Variants in PRKG1 observed in about 807,000 individuals in gnomAD.
The protein encoded by PRKG1 is cGMP-dependent protein kinase 1.
PRKG1 carries 35 observed loss-of-function variants against 88.1 expected under a neutral mutation model. That is an observed-to-expected ratio of 0.40 (90% CI 0.30 to 0.53). PRKG1 has a LOEUF of 0.53. PRKG1 is among the 20% of genes least tolerant of loss of function. PRKG1 has a pLI of 0.59. For synonymous variants in PRKG1, 303 were observed against 292.5 expected (o/e 1.04, Z -0.37); for missense variants, 540 against 839.8 (o/e 0.64, Z 4.41).
intron 2 of PRKG1, among the ~76,000 whole-genome samples, chr10:51,153,587 A>G (rs1299813299): frequency 1.3e-5 from 2 of 152,034 alleles, no homozygotes; most frequent in Non-Finnish European, 2.9e-5. Context: ...AAAGAAATAT[A>G]GTTTATTACA....
rs55674653 is a variant in PRKG1 at position 51,290,313 on chromosome 10, A to G, written c.478+136983A>G. Among the ~76,000 whole-genome samples, 1,285 of 152,284 alleles carry G rather than the reference A, an allele frequency of 8.4e-3. 16 individuals carry two copies. The highest frequency in any genetic ancestry group is 0.029 in the African/African-American group (1,187 of 41,562). Reference sequence around the variant, plus strand: ...TGTTTATAATATTTGATACCATTAAATTTACAGGTGCATCTGCATAAATGC... The same window carrying G: ...TGTTTATAATATTTGATACCATTAAGTTTACAGGTGCATCTGCATAAATGC... On this transcript the variant is annotated intron_variant, in intron 2 of 17. Transcript: ENST00000373980.
intron 10 of PRKG1, among the ~76,000 whole-genome samples, chr10:52,256,983 G>A (rs1412927604): frequency 7.2e-6 from 1 of 138,984 alleles, no homozygotes; most frequent in Non-Finnish European, 1.6e-5. Flanking sequence ...ACCTCTCAAT[G>A]GGAAATCATT....
intron 2 of PRKG1, among the ~76,000 whole-genome samples, chr10:51,375,491 T>C (rs1842798755): frequency 1.3e-5 from 2 of 151,874 alleles, no homozygotes; most frequent in Admixed American, 1.3e-4. Context: ...TATGTGAAAA[T>C]CTGAAATCCA....
At chr10:51,334,152 TTCTCTCTCTCTCTCTCTCTCTCTC>T (rs10568175) in intron 2 of PRKG1, among the ~76,000 whole-genome samples, 1 of 137,132 alleles carries the variant, frequency 7.3e-6, no homozygotes, top group Non-Finnish European at 1.6e-5. Context: ...CTCTCTCTCT[TTCTCTCTCTCTCTCTCTCTCTCTC>T]TCTCTCTCTC....
At chr10:51,882,365 T>A (rs1317336588) in intron 4 of PRKG1, among the ~76,000 whole-genome samples, 1 of 152,186 alleles carries the variant, frequency 6.6e-6, no homozygotes, top group East Asian at 1.9e-4. Flanking sequence ...CATAAATAAA[T>A]CTTCTTGCTA....
intron 2 of PRKG1, among the ~76,000 whole-genome samples, chr10:51,160,875 C>CGTGTGTGTGT (rs71459406): frequency 0.022 from 3,332 of 150,036 alleles, 71 homozygotes; most frequent in African/African-American, 0.056. Flanking sequence ...TCTTCATGCT[C>CGTGTGTGTGT]GTGTGTGTGT....
chr10:52,257,266 T>C (rs964401505), intron 10 of PRKG1, among the ~76,000 whole-genome samples: 6 of 139,122 alleles, frequency 4.3e-5, no homozygotes, highest in Non-Finnish European at 9.7e-5. Flanking sequence ...TCTCACAGCA[T>C]TTTTGCCAGC....
chr10:51,442,130 A>G (rs981729357), intron 2 of PRKG1, among the ~76,000 whole-genome samples: 1 of 151,792 alleles, frequency 6.6e-6, no homozygotes, highest in African/African-American at 2.4e-5. Flanking sequence ...TTTTGTGATT[A>G]TTGTGAAATA....
At chr10:52,067,804 T>TTA (rs1294082289) in intron 7 of PRKG1, among the ~76,000 whole-genome samples, 12 of 151,896 alleles carry the variant, frequency 7.9e-5, no homozygotes, top group East Asian at 5.8e-4. Flanking sequence ...AAGTACTCCC[T>TTA]TATATATATA....
intron 1 of PRKG1, among the ~76,000 whole-genome samples, chr10:51,003,172 AACAACAACAAC>A (rs1564567481): frequency 2.4e-4 from 1 of 4,194 alleles, no homozygotes; most frequent in African/African-American, 4.8e-4. Context: ...CCAAAACAAC[AACAACAACAAC>A]AACAACAACA....
chr10:51,132,238 T>G (rs1326855702), intron 1 of PRKG1, among the ~76,000 whole-genome samples: 1 of 152,308 alleles, frequency 6.6e-6, no homozygotes, highest in East Asian at 1.9e-4. Context: ...TGGGTTTGAT[T>G]GGGCTGGACA....
chr10:51,036,367 C>A (rs1034768193), intron 1 of PRKG1, among the ~76,000 whole-genome samples: 1 of 152,038 alleles, frequency 6.6e-6, no homozygotes, highest in African/African-American at 2.4e-5. Context: ...TGCTAAAAAA[C>A]CCATTCTGAA....
intron 2 of PRKG1, among the ~76,000 whole-genome samples, chr10:51,389,780 G>A (rs1837351715): frequency 6.6e-6 from 1 of 152,024 alleles, no homozygotes; most frequent in Non-Finnish European, 1.5e-5. Flanking sequence ...AAAATGATAA[G>A]GGAACAAGAA....
rs941855284 is a variant in PRKG1, at chr10:52,242,881, C to T, written c.1077-8689C>T. ...ACTGCACTCCAGCCTGAGTGACAGACGGAGACTCAGTCTCAAAAAAAAAGA... is the reference window on the plus strand; with the variant it reads ...ACTGCACTCCAGCCTGAGTGACAGATGGAGACTCAGTCTCAAAAAAAAAGA... On this transcript the variant is annotated intron_variant, in intron 9 of 17. Coordinates refer to ENST00000373980, the MANE Select transcript of PRKG1 (RefSeq NM_006258.4). Among the ~76,000 whole-genome samples the T allele has an allele frequency of 7.5e-5, 11 of 146,682 alleles. No individual in the cohort carries two copies. In the East Asian group the frequency reaches 1.0e-3, roughly 13 times the overall value.
intron 2 of PRKG1, among the ~76,000 whole-genome samples, chr10:51,211,164 C>T (rs7911676): frequency 0.53 from 79,683 of 151,476 alleles, 20,891 homozygotes; most frequent in Middle Eastern, 0.57. Context: ...GTTCAACATA[C>T]GAAAATCGAT....
At chr10:52,244,922 A>G (rs905741000) in intron 9 of PRKG1, among the ~76,000 whole-genome samples, 11 of 131,600 alleles carry the variant, frequency 8.4e-5, no homozygotes, top group African/African-American at 2.5e-4. Flanking sequence ...ATATATATAT[A>G]TTTAAATATA....
intron 3 of PRKG1, among the ~76,000 whole-genome samples, chr10:51,534,017 A>G (rs1419819500): frequency 1.3e-5 from 2 of 152,226 alleles, no homozygotes; most frequent in African/African-American, 2.4e-5. Flanking sequence ...ATGATCTTCC[A>G]TATAATCCAA....
chr10:51,947,595 C>G lies in PRKG1; in HGVS notation c.762+40025C>G, dbSNP rs923144485. On this transcript the variant is annotated intron_variant, in intron 5 of 17. Transcript: ENST00000373980. ...GCTGTAGACGGGAGCTGTTCCTATT[C>G]GGCCATCTTGGCTCCCCTCCTGCTG... Among the ~76,000 whole-genome samples, 7 of 152,244 alleles carry G rather than the reference C, an allele frequency of 4.6e-5. No homozygotes were observed. The East Asian group carries it at 1.4e-3, about 30-fold the overall frequency.
intron 7 of PRKG1, among the ~76,000 whole-genome samples, chr10:52,081,939 G>C (rs1299447412): frequency 6.6e-6 from 1 of 152,040 alleles, no homozygotes; most frequent in African/African-American, 2.4e-5. Flanking sequence ...ATCCGTATTA[G>C]TCCATTCTCA....
Sources: allele counts gnomAD v4.1 joint callset (sites outside exome capture counted in the v4.1 genomes callset), GRCh38; gene constraint gnomAD v4.1.1; transcripts MANE v1.5; gene names NCBI Gene and HGNC (gene_info 2026-07-23, HGNC 2026-07-21).